Variants in ETF1 observed in about 807,000 individuals in gnomAD.
ETF1 encodes eukaryotic translation termination factor 1.
Under a neutral mutation model 55.1 loss-of-function variants are expected in ETF1, and 4 were observed. The observed-to-expected ratio is 0.07, with a 90% confidence interval of 0.04 to 0.17. The LOEUF (loss-of-function observed/expected upper bound fraction) is 0.17, where lower values mean the gene tolerates loss of function less well. Among genes scored for constraint, ETF1 ranks in the 10% least tolerant of loss-of-function variants. ETF1 has a pLI of 1.00. For synonymous variants in ETF1, 157 were observed against 182.3 expected (o/e 0.86, Z 1.12); for missense variants, 142 against 523.6 (o/e 0.27, Z 7.11).
At position 138,508,570 on chromosome 5, in the gene ETF1, GATA is replaced by G. The variant is rs911715128; in HGVS notation, c.1231+96_1231+98del. 1.0e-4 allele frequency: 158 copies of G among 1,562,588 alleles called. No individual in the cohort carries two copies. The African/African-American group carries it at 1.9e-3, about 19-fold the overall frequency. On this transcript the variant is annotated intron_variant, in intron 10 of 10. Coordinates refer to ENST00000360541, the MANE Select transcript of ETF1 (RefSeq NM_004730.4). ...GCTGCGTCAATCACCTATCCCAGCA[GATA>G]ATAAGCACCTCACCGGAAGCAGGGC...
chr5:138,529,082 T>C (rs940915304), intron 2 of ETF1, among the ~76,000 whole-genome samples: 4 of 151,904 alleles, frequency 2.6e-5, no homozygotes, highest in Admixed American at 2.0e-4. Context: ...TGAGCCAAGA[T>C]CCCGCCATTG....
intron 2 of ETF1, among the ~76,000 whole-genome samples, chr5:138,529,379 T>G (rs1765603187): frequency 6.6e-6 from 1 of 152,182 alleles, no homozygotes; most frequent in Non-Finnish European, 1.5e-5. Flanking sequence ...AAGCTCTCAC[T>G]AAGGAGATGC....
At chr5:138,520,513 C>T (rs1245990501) in intron 2 of ETF1, among the ~76,000 whole-genome samples, 1 of 152,122 alleles carries the variant, frequency 6.6e-6, no homozygotes, top group African/African-American at 2.4e-5. Context: ...AATATCTCAT[C>T]GGAAAATTCC....
At chr5:138,538,812 T>C (rs1353937194) in intron 2 of ETF1, among the ~76,000 whole-genome samples, 2 of 152,212 alleles carry the variant, frequency 1.3e-5, no homozygotes, top group Admixed American at 1.3e-4. Context: ...TCAAAGTATA[T>C]AAATTAAGCA....
chr5:138,513,314 C>T, intron 5 of ETF1: 1 of 588,862 alleles, frequency 1.7e-6, no homozygotes, highest in Non-Finnish European at 2.1e-6. Context: ...TCAATGCAAC[C>T]TCCGTCTCCC....
intron 2 of ETF1, among the ~76,000 whole-genome samples, chr5:138,529,162 C>CCAAA (rs148420663): frequency 5.3e-5 from 8 of 151,290 alleles, no homozygotes; most frequent in African/African-American, 1.5e-4. Context: ...AAAACCAAAA[C>CCAAA]CAAACAAACA....
chr5:138,538,191 G>A (rs1385005076), intron 2 of ETF1, among the ~76,000 whole-genome samples: 10 of 140,076 alleles, frequency 7.1e-5, no homozygotes, highest in South Asian at 2.3e-4. Flanking sequence ...CGCCCGGCCT[G>A]GGCCCCTATT....
At position 138,512,840 on chromosome 5, in the gene ETF1, A is replaced by G. The variant is rs1195259691; in HGVS notation, c.656T>C (p.Val219Ala). 11 of 1,600,350 alleles carry G rather than the reference A, an allele frequency of 6.9e-6. No individual in the cohort carries two copies. Among genetic ancestry groups the G allele is most frequent in the Non-Finnish European group, 9.4e-6 (11 of 1,175,338 alleles). Reference protein sequence around the residue: ...AVQLFISGDKVNVAGLVLAGS... With the variant: ...AVQLFISGDKANVAGLVLAGS... The stretch of plus-strand genomic sequence containing the variant: ...AGCTAAAACTAGACCAGCCACATTC[A>G]CTTTGTCCCCAGAAATAAACAGCTG... The change falls in exon 6 of 11, where the codon GTG (valine) becomes GCG (alanine). Residue 219 changes from valine (V) to alanine (A), a missense_variant. Coordinates refer to ENST00000360541, the MANE Select transcript of ETF1 (RefSeq NM_004730.4).
At chr5:138,519,906 T>G (rs1332866253) in intron 2 of ETF1, among the ~76,000 whole-genome samples, 1 of 151,154 alleles carries the variant, frequency 6.6e-6, no homozygotes, top group East Asian at 1.9e-4. Flanking sequence ...CTCATTGCGG[T>G]TTTGATTTGG....
At position 138,511,403 on chromosome 5, in the gene ETF1, T is replaced by TACAC. The variant is rs71574422; in HGVS notation, c.862+68_862+71dup. The TACAC allele has an allele frequency of 4.5e-3, 4,307 of 967,258 alleles. 12 individuals are homozygous for TACAC. The highest frequency in any genetic ancestry group is 4.4e-3 in the Non-Finnish European group (3,253 of 743,642). The allele number at this position is 967,258 out of a possible 1,614,324, so 59.9% of individuals were successfully genotyped here. On this transcript the variant is annotated intron_variant, in intron 7 of 10. Coordinates refer to ENST00000360541, the MANE Select transcript of ETF1 (RefSeq NM_004730.4). ...AATCACGTACATACACACACACACATACACACACACACACACACACACACA... is the reference window on the plus strand; with the variant it reads ...AATCACGTACATACACACACACACATACACACACACACACACACACACACACACA...
chr5:138,522,194 T>A (rs1273904493), intron 2 of ETF1, among the ~76,000 whole-genome samples: 1 of 152,032 alleles, frequency 6.6e-6, no homozygotes, highest in Admixed American at 6.6e-5. Context: ...AAGGATAGCA[T>A]TAGGAAAGTA....
intron 2 of ETF1, among the ~76,000 whole-genome samples, chr5:138,522,802 C>T (rs559397147): frequency 8.6e-4 from 131 of 151,890 alleles, no homozygotes; most frequent in Non-Finnish European, 1.6e-3. Context: ...GTCAGGAGAT[C>T]GAGATCATCC....
intron 9 of ETF1, among the ~76,000 whole-genome samples, chr5:138,510,157 G>A (rs2066089851): frequency 6.6e-6 from 1 of 151,246 alleles, no homozygotes; most frequent in Non-Finnish European, 1.5e-5. Context: ...AGGAGTTTGA[G>A]ACCAGCCCAG....
At chr5:138,535,218 G>A (rs773236671) in intron 2 of ETF1, among the ~76,000 whole-genome samples, 32 of 151,896 alleles carry the variant, frequency 2.1e-4, no homozygotes, top group Non-Finnish European at 4.3e-4. Flanking sequence ...CCAAAGTACT[G>A]GGATTACAGG....
At chr5:138,512,258 A>ATATATATATATATTT (rs1484458741) in intron 6 of ETF1, among the ~76,000 whole-genome samples, 1 of 20,006 alleles carries the variant, frequency 5.0e-5, no homozygotes, top group African/African-American at 1.9e-4. Context: ...ATATATATAT[A>ATATATATATATATTT]TTTTTTTTTT....
chr5:138,511,977 A>T, intron 6 of ETF1: 1 of 720,556 alleles, frequency 1.4e-6, no homozygotes, highest in Non-Finnish European at 1.7e-6. Context: ...AGAGGCAGAC[A>T]GCTTGAGTCC....
Position 138,537,881 on chromosome 5 carries a change from CTAT to C in ETF1, c.86+4949_86+4951del, listed in dbSNP as rs1051250662. On this transcript the variant is annotated intron_variant, in intron 2 of 10. Coordinates refer to ENST00000360541, the MANE Select transcript of ETF1 (RefSeq NM_004730.4). The stretch of plus-strand genomic sequence containing the variant: ...AGGCGTGAGCCACCGCACCAGGCCC[CTAT>C]TATTATTATTATTTTTTTTTTTTCT... Among the ~76,000 whole-genome samples, 9 of 143,834 alleles carry C rather than the reference CTAT, an allele frequency of 6.3e-5. No homozygotes were observed. The South Asian group carries it at 6.7e-4, about 11-fold the overall frequency. The allele number at this position is 143,834 out of a possible 152,430, so 94.4% of individuals were successfully genotyped here.
chr5:138,535,290 C>A (rs1281061221), intron 2 of ETF1, among the ~76,000 whole-genome samples: 5 of 151,448 alleles, frequency 3.3e-5, no homozygotes, highest in Admixed American at 1.3e-4. Context: ...AGCATTAGTT[C>A]CCCCATGAAG....
At chr5:138,536,593 T>C (rs1765942452) in intron 2 of ETF1, among the ~76,000 whole-genome samples, 1 of 152,094 alleles carries the variant, frequency 6.6e-6, no homozygotes, top group South Asian at 2.1e-4. Flanking sequence ...CTACAGAATG[T>C]ATCCTAGGAG....
Sources: gnomAD v4.1 joint callset for allele counts (sites outside exome capture counted in the v4.1 genomes callset) on GRCh38, gnomAD v4.1.1 for gene constraint, MANE v1.5 for transcripts, NCBI Gene and HGNC (gene_info 2026-07-23, HGNC 2026-07-21) for gene names.